Variants in FSD1 observed in about 807,000 individuals in gnomAD.
FSD1 encodes fibronectin type III and SPRY domain containing 1, also known as fibronectin type III and SPRY domain-containing protein 1.
In FSD1, 23 loss-of-function variants were observed where a neutral mutation model predicts 58.2. The observed-to-expected ratio is 0.40, with a 90% CI of 0.28 to 0.56. The LOEUF (loss-of-function observed/expected upper bound fraction) is 0.56. FSD1 is among the 20% of genes least tolerant of loss of function. The pLI is 0.54. For synonymous variants in FSD1, 265 were observed against 263.4 expected (o/e 1.01, Z -0.06); for missense variants, 563 against 670.8 (o/e 0.84, Z 1.78).
In FSD1 at chr19:4,318,280, T is replaced by G. The variant is rs1971776379; in HGVS notation, c.800-66T>G. On this transcript the variant is annotated intron_variant, in intron 8 of 12. Coordinates refer to ENST00000221856, the MANE Select transcript of FSD1 (RefSeq NM_024333.3). ...GTCTGTCTTGGTCACTCTCTGTCTC[T>G]CTGTCTCTCTCTGTGTCTCTCCGGG... 3.1e-6 allele frequency: 5 copies of G among 1,608,252 alleles called. No homozygotes were observed. The Admixed American group carries it at 8.4e-5, about 27-fold the overall frequency.
chr19:4,307,541 C>G (rs550738084), intron 3 of FSD1, among the ~76,000 whole-genome samples: 9 of 151,870 alleles, frequency 5.9e-5, no homozygotes, highest in African/African-American at 2.2e-4. Flanking sequence ...CTACTTTTTT[C>G]TATGTTTAGT....
chr19:4,304,666 T>C lies in FSD1; in HGVS notation c.-81T>C. 1.1e-6 allele frequency: 1 copy of C among 921,646 alleles called. No individual in the cohort carries two copies. Among genetic ancestry groups the C allele is most frequent in the Non-Finnish European group, 1.4e-6 (1 of 706,672 alleles). 57.1% of individuals were successfully genotyped at this position (921,646 alleles called of 1,614,324 possible). On this transcript the variant is annotated 5_prime_UTR_variant, in exon 1 of 13. Coordinates refer to ENST00000221856, the MANE Select transcript of FSD1 (RefSeq NM_024333.3). ...GGCGAGGGCTCGGCGGGCCATTGGC[T>C]ACCGGCCGCGGCAAAGGCAGCTTGG...
chr19:4,308,081 C>G, intron 4 of FSD1, 98 bp downstream of exon 4: 1 of 924,836 alleles, frequency 1.1e-6, no homozygotes, highest in Non-Finnish European at 1.7e-6. Flanking sequence ...ATAGCCCACC[C>G]ATGCGATAGT....
Position 4,318,400 on chromosome 19 carries a change from A to T in FSD1, c.854A>T (p.Asp285Val), listed in dbSNP as rs1228512899. The change falls in exon 9 of 13, where the codon GAT becomes GTT. Residue 285 changes from aspartate to valine, a missense_variant. Asp to Val is a radical substitution (Grantham distance 152). Coordinates refer to ENST00000221856, the MANE Select transcript of FSD1 (RefSeq NM_024333.3). Reference protein sequence around the residue: ...STSHQNLRVDDLSVEWDAMGG... With the variant: ...STSHQNLRVDVLSVEWDAMGG... The stretch of plus-strand genomic sequence containing the variant: ...TCCCACCAGAACCTGCGGGTGGATG[A>T]TCTCTCCGTGGAGTGGGACGCTATG... 5.0e-6 allele frequency: 8 copies of T among 1,613,832 alleles called. No homozygotes were observed. The highest frequency in any genetic ancestry group is 5.9e-6 in the Non-Finnish European group (7 of 1,179,988).
At chr19:4,314,457 T>G (rs536097337) in intron 7 of FSD1, among the ~76,000 whole-genome samples, 16 of 150,746 alleles carry the variant, frequency 1.1e-4, no homozygotes, top group South Asian at 8.4e-4. Context: ...ACCCGGGAAA[T>G]GGACACGGGT....
intron 4 of FSD1, among the ~76,000 whole-genome samples, chr19:4,309,825 C>T (rs1022735547): frequency 2.0e-5 from 3 of 150,448 alleles, no homozygotes; most frequent in Admixed American, 6.6e-5. Flanking sequence ...AGGAGAATGG[C>T]GTGAACCCGG....
chr19:4,307,841 T>C, intron 3 of FSD1, 41 bp from the exon 4 acceptor site: 1 of 1,506,258 alleles, frequency 6.6e-7, no homozygotes. Context: ...CCTGAGGCAG[T>C]GGGGTGAGTT....
chr19:4,317,864 A>G (rs753423394), intron 8 of FSD1, among the ~76,000 whole-genome samples: 5 of 152,114 alleles, frequency 3.3e-5, no homozygotes, highest in Non-Finnish European at 7.3e-5. Flanking sequence ...TGAAAATACA[A>G]AAATTAGCTG....
At chr19:4,312,738 G>A (rs984864903) in intron 7 of FSD1, among the ~76,000 whole-genome samples, 29 of 151,856 alleles carry the variant, frequency 1.9e-4, no homozygotes, top group African/African-American at 7.0e-4. Flanking sequence ...TCGGGAGGCG[G>A]AGCTTGCAGT....
intron 3 of FSD1, 150 bp downstream of exon 3, chr19:4,306,479 T>G (rs1971624082): frequency 1.4e-6 from 1 of 715,804 alleles, no homozygotes. Context: ...TCTCTTTTTT[T>G]TTTTTGAGAC....
At chr19:4,312,343 T>A (rs2144760929) in intron 7 of FSD1, among the ~76,000 whole-genome samples, 1 of 151,476 alleles carries the variant, frequency 6.6e-6, no homozygotes, top group Middle Eastern at 3.4e-3. Context: ...ACAAAAAAAT[T>A]AGCCGGGCAT....
At position 4,318,912 on chromosome 19, in the gene FSD1, G is replaced by A; in HGVS notation, c.1000G>A (p.Gly334Arg). The change falls in exon 10 of 13, where the codon GGA becomes AGA. Residue 334 changes from glycine (G) to arginine (R), a missense_variant. Coordinates refer to ENST00000221856, the MANE Select transcript of FSD1 (RefSeq NM_024333.3). ...SPKRMPSGRG[G>R]RDRFTAESYT... ...CAAGAGGATGCCCTCAGGTCGTGGG[G>A]GACGGGACCGCTTCACCGCTGAGTC... The A allele has an allele frequency of 6.2e-7, 1 of 1,613,586 alleles. No homozygotes were observed. The highest frequency in any genetic ancestry group is 1.7e-5 in the Admixed American group (1 of 60,002).
chr19:4,306,788 G>A (rs969257094), intron 3 of FSD1, among the ~76,000 whole-genome samples: 21 of 151,832 alleles, frequency 1.4e-4, no homozygotes, highest in African/African-American at 4.8e-4. Flanking sequence ...TCTCCATCAC[G>A]GCGTCCCCGA....
chr19:4,305,817 C>T (rs981632275), intron 1 of FSD1, 129 bp from the exon 2 acceptor site: 15 of 709,840 alleles, frequency 2.1e-5, no homozygotes, highest in Middle Eastern at 3.2e-4. Flanking sequence ...CATGTGTGTG[C>T]GCACGCGTGT....
At chr19:4,305,236 C>T (rs561732801) in intron 1 of FSD1, among the ~76,000 whole-genome samples, 2 of 150,570 alleles carry the variant, frequency 1.3e-5, no homozygotes, top group Admixed American at 1.3e-4. Flanking sequence ...CTCCCTGCCC[C>T]CTCCCCGCTT....
intron 6 of FSD1, 160 bp downstream of exon 6, chr19:4,310,756 G>A: frequency 3.9e-6 from 3 of 773,538 alleles, no homozygotes; most frequent in Non-Finnish European, 6.0e-6. Flanking sequence ...GGGGGGTGGA[G>A]TTCTCATGGA....
chr19:4,317,046 C>T, intron 7 of FSD1, 136 bp from the exon 8 acceptor site: 1 of 617,002 alleles, frequency 1.6e-6, no homozygotes, highest in Non-Finnish European at 3.0e-6. Flanking sequence ...AGCCAGTGCG[C>T]CCGGCTGGAT....
At chr19:4,314,518 G>A (rs537352617) in intron 7 of FSD1, among the ~76,000 whole-genome samples, 3 of 145,932 alleles carry the variant, frequency 2.1e-5, no homozygotes, top group East Asian at 2.0e-4. Context: ...ATGGAGTCTC[G>A]CTTTGTCGCC....
chr19:4,322,901 C>A, intron 10 of FSD1, 85 bp from the exon 11 acceptor site: 1 of 1,486,978 alleles, frequency 6.7e-7, no homozygotes, highest in Non-Finnish European at 9.0e-7. Flanking sequence ...TAAGGAGCAC[C>A]TTGGGGGCTG....
Sources: allele counts gnomAD v4.1 joint callset (sites outside exome capture counted in the v4.1 genomes callset), GRCh38; gene constraint gnomAD v4.1.1; transcripts MANE v1.5; gene names NCBI Gene and HGNC (gene_info 2026-07-23, HGNC 2026-07-21).